Variants in SLFN12L observed in about 807,000 individuals in gnomAD.
SLFN12L encodes schlafen family member 12-like.
A neutral mutation model predicts 34.8 loss-of-function variants in SLFN12L; 34 were observed. The observed-to-expected ratio is 0.98, with a 90% CI of 0.74 to 1.30. The LOEUF (loss-of-function observed/expected upper bound fraction) is 1.30. Among genes scored for constraint, SLFN12L ranks in the 50% most tolerant of loss-of-function variants. SLFN12L has a pLI of 0.00. For synonymous variants in SLFN12L, 259 were observed against 247.5 expected (o/e 1.05, Z -0.44); for missense variants, 703 against 696.2 (o/e 1.01, Z -0.11).
intron 4 of SLFN12L, 71 bp from the exon 5 acceptor site, chr17:35,475,556 C>T (rs1913963390): frequency 2.7e-6 from 4 of 1,463,788 alleles, no homozygotes; most frequent in African/African-American, 1.4e-5. Context: ...TACAAAGCAG[C>T]TTGTATTAGA....
intron 2 of SLFN12L, among the ~76,000 whole-genome samples, chr17:35,487,476 C>T (rs892967222): frequency 6.6e-6 from 1 of 152,070 alleles, no homozygotes; most frequent in Non-Finnish European, 1.5e-5. Flanking sequence ...GGACCACCCC[C>T]CCCGGACCCC....
chr17:35,499,212 C>A, intron 2 of SLFN12L: 1 of 918,930 alleles, frequency 1.1e-6, no homozygotes, highest in Non-Finnish European at 1.6e-6. Context: ...CTGCACCTGC[C>A]TTCCTAATTT....
At position 35,465,018 on chromosome 17, in the gene SLFN12L, G is replaced by T. The variant is rs577829501; in HGVS notation, c.*9905C>A. On this transcript the variant is annotated 3_prime_UTR_variant, in exon 5 of 5. Coordinates refer to ENST00000628453, the MANE Select transcript of SLFN12L (RefSeq NM_001363830.2). ...CAGCTTCCCAAGTAGCTGGGACTAC[G>T]GGAGCACACCACCACATCCAGCTAA... Among the ~76,000 whole-genome samples the T allele has an allele frequency of 1.3e-5, 2 of 151,962 alleles. No homozygotes were observed. The highest frequency in any genetic ancestry group is 2.9e-5 in the Non-Finnish European group (2 of 67,972).
chr17:35,524,910 T>C (rs1005545791), intron 1 of SLFN12L, among the ~76,000 whole-genome samples: 1 of 152,008 alleles, frequency 6.6e-6, no homozygotes, highest in Admixed American at 6.6e-5. Flanking sequence ...CAAACTCCTC[T>C]GAGCTAAAGG....
chr17:35,534,355 C>G (rs1326727337), intron 1 of SLFN12L, among the ~76,000 whole-genome samples: 1 of 152,050 alleles, frequency 6.6e-6, no homozygotes, highest in East Asian at 1.9e-4. Context: ...AGCAAGACTC[C>G]GTCTCAAAAA....
At chr17:35,517,401 A>G (rs1915862978) in intron 2 of SLFN12L, among the ~76,000 whole-genome samples, 1 of 152,246 alleles carries the variant, frequency 6.6e-6, no homozygotes, top group African/African-American at 2.4e-5. Flanking sequence ...ATAAGAGAGG[A>G]CACAAATAAA....
intron 1 of SLFN12L, among the ~76,000 whole-genome samples, chr17:35,536,202 T>C (rs762300943): frequency 1.3e-5 from 2 of 152,214 alleles, no homozygotes; most frequent in Non-Finnish European, 2.9e-5. Flanking sequence ...TTCATTACTC[T>C]GGTAAGAATA....
rs1567693501 is a variant in SLFN12L at position 35,530,409 on chromosome 17, GGAAGGAAGGAAGGAAGGA to G, written c.-606+7146_-606+7163del. Among the ~76,000 whole-genome samples, 103 of 12,272 alleles carry G rather than the reference GGAAGGAAGGAAGGAAGGA, an allele frequency of 8.4e-3. 13 individuals are homozygous for G. Among genetic ancestry groups the G allele is most frequent in the East Asian group, 0.027 (3 of 110 alleles). 8.1% of individuals were successfully genotyped at this position (12,272 alleles called of 152,430 possible). A position where few individuals can be genotyped will look rare whatever the true frequency, so the allele number is the denominator to read the frequency against. On this transcript the variant is annotated intron_variant, in intron 1 of 4. Coordinates refer to ENST00000628453, the MANE Select transcript of SLFN12L (RefSeq NM_001363830.2). ...AGGAAGGAAGGAAGGAAGGAAGGAAGGAAGGAAGGAAGGAAGGAAGGGAAGGGAAGGGAAGAAAGAAAG... is the reference window on the plus strand; with the variant it reads ...AGGAAGGAAGGAAGGAAGGAAGGAAGAGGGAAGGGAAGGGAAGAAAGAAAG...
At chr17:35,518,740 A>T (rs981614572) in intron 2 of SLFN12L, among the ~76,000 whole-genome samples, 1 of 152,212 alleles carries the variant, frequency 6.6e-6, no homozygotes, top group East Asian at 1.9e-4. Context: ...ACACTTTTAC[A>T]TTGTTGGTGG....
intron 2 of SLFN12L, chr17:35,490,211 C>T: frequency 1.9e-6 from 3 of 1,587,624 alleles, no homozygotes; most frequent in Non-Finnish European, 1.7e-6. Context: ...CAGTGGCCCT[C>T]TGGCAAAGTG....
chr17:35,520,003 G>A lies in SLFN12L; in HGVS notation c.86+2276C>T, dbSNP rs532002320. ...AGGTTAAAATAAACATCATAAGACC[G>A]ATGGAACAGTCTCTTCGTGGCAATA... On this transcript the variant is annotated intron_variant, in intron 2 of 4. Coordinates refer to ENST00000628453, the MANE Select transcript of SLFN12L (RefSeq NM_001363830.2). Among the ~76,000 whole-genome samples the A allele has an allele frequency of 8.5e-5, 13 of 152,282 alleles. No homozygotes were observed. The East Asian group carries it at 1.5e-3, about 18-fold the overall frequency.
Position 35,473,278 on chromosome 17 carries a change from G to A in SLFN12L, c.*1645C>T, listed in dbSNP as rs1913838094. On this transcript the variant is annotated 3_prime_UTR_variant, in exon 5 of 5. Coordinates refer to ENST00000628453, the MANE Select transcript of SLFN12L (RefSeq NM_001363830.2). ...GTTTTGCCCATTCAGTATGATATTG[G>A]CTGTGGGTTTGTCATGAATAGCTCT... Among the ~76,000 whole-genome samples, 1 of 152,134 alleles carries A rather than the reference G, an allele frequency of 6.6e-6. No individual in the cohort carries two copies. Among genetic ancestry groups the A allele is most frequent in the Admixed American group, 6.5e-5 (1 of 15,270 alleles).
At chr17:35,506,846 C>T (rs577017794) in intron 2 of SLFN12L, among the ~76,000 whole-genome samples, 11 of 152,254 alleles carry the variant, frequency 7.2e-5, no homozygotes, top group Admixed American at 7.2e-4. Context: ...GTCCTAAAAG[C>T]CTCAATCATT....
chr17:35,514,990 G>T, intron 2 of SLFN12L: 1 of 479,864 alleles, frequency 2.1e-6, no homozygotes. Context: ...AAGAATTTCT[G>T]GACAGCTTCA....
At chr17:35,503,506 G>T (rs914765681) in intron 2 of SLFN12L, among the ~76,000 whole-genome samples, 1 of 151,958 alleles carries the variant, frequency 6.6e-6, no homozygotes, top group African/African-American at 2.4e-5. Context: ...TAGCTTATCT[G>T]GTATAAAAAT....
intron 1 of SLFN12L, among the ~76,000 whole-genome samples, chr17:35,525,421 G>A (rs2072324464): frequency 6.6e-6 from 1 of 152,144 alleles, no homozygotes; most frequent in Non-Finnish European, 1.5e-5. Context: ...ATTCACCAAG[G>A]TTGAAATGAA....
Position 35,478,868 on chromosome 17 carries a change from T to C in SLFN12L, c.1165+249A>G, listed in dbSNP as rs12938941. Among the ~76,000 whole-genome samples, 861 of 152,162 alleles carry C rather than the reference T, an allele frequency of 5.7e-3. 9 individuals are homozygous for C. The highest frequency in any genetic ancestry group is 0.02 in the African/African-American group (810 of 41,534). Reference sequence around the variant, plus strand: ...CTTTCCTTGAAAGTGAGTAAAGAAATGGTAGAGAAGAAACATCTAGAATCT... The same window carrying C: ...CTTTCCTTGAAAGTGAGTAAAGAAACGGTAGAGAAGAAACATCTAGAATCT... On this transcript the variant is annotated intron_variant, in intron 3 of 4. Transcript: ENST00000628453.
intron 1 of SLFN12L, 130 bp from the exon 2 acceptor site, chr17:35,523,099 T>A (rs571481734): frequency 4.5e-6 from 1 of 224,168 alleles, no homozygotes; most frequent in East Asian, 1.0e-4. Context: ...TCTATAAACA[T>A]TATATTACAA....
At chr17:35,512,857 C>T (rs1023600877) in intron 2 of SLFN12L, among the ~76,000 whole-genome samples, 3 of 152,200 alleles carry the variant, frequency 2.0e-5, no homozygotes, top group African/African-American at 7.2e-5. Flanking sequence ...TATTGCACTA[C>T]AGTTTTCAAG....
Sources: gnomAD v4.1 joint callset for allele counts (sites outside exome capture counted in the v4.1 genomes callset) on GRCh38, gnomAD v4.1.1 for gene constraint, MANE v1.5 for transcripts, NCBI Gene and HGNC (gene_info 2026-07-23, HGNC 2026-07-21) for gene names.